TSC22D1: variants seen among roughly 807,000 people sequenced by gnomAD.
TSC22D1 encodes TSC22 domain family member 1.
In TSC22D1, 9 loss-of-function variants were observed where a neutral mutation model predicts 74.2. The ratio of observed to expected loss-of-function variants is 0.12; its 90% CI spans 0.07 to 0.21. The LOEUF is 0.21. Ranked by LOEUF, TSC22D1 falls within the 10% of genes least tolerant of loss-of-function variation. The pLI, the probability that TSC22D1 is intolerant of heterozygous loss-of-function variation, is 1.00. For missense variants in TSC22D1, 1,427 were observed against 1,304.7 expected (o/e 1.09, Z -1.44); for synonymous variants, 586 against 492.5 (o/e 1.19, Z -2.51).
intron 2 of TSC22D1, among the ~76,000 whole-genome samples, chr13:44,435,442 A>G (rs544355964): frequency 1.3e-5 from 2 of 152,346 alleles, no homozygotes; most frequent in South Asian, 2.1e-4. Flanking sequence ...TTGCCTAGCA[A>G]CAGTGGGCAG....
Position 44,521,322 on chromosome 13 carries a change from T to A in TSC22D1, c.2912+51841A>T, listed in dbSNP as rs112791850. 1.7e-3 allele frequency among the ~76,000 whole-genome samples: 260 copies of A among 152,292 alleles called. 2 individuals are homozygous for A. The highest frequency in any genetic ancestry group is 5.9e-3 in the African/African-American group (244 of 41,564). ...ACAGTGAAAGCTTTCAGTCATGCTATGGGATTTAATTGTGTATCCTCATTA... is the reference window on the plus strand; with the variant it reads ...ACAGTGAAAGCTTTCAGTCATGCTAAGGGATTTAATTGTGTATCCTCATTA... On this transcript the variant is annotated intron_variant, in intron 1 of 2. Coordinates refer to ENST00000458659, the MANE Select transcript of TSC22D1 (RefSeq NM_183422.4).
At chr13:44,495,434 A>G (rs1227820452) in intron 1 of TSC22D1, among the ~76,000 whole-genome samples, 5 of 152,342 alleles carry the variant, frequency 3.3e-5, no homozygotes, top group South Asian at 4.1e-4. Context: ...GGTGGAAATG[A>G]AAGGATGCTA....
At chr13:44,469,473 T>C (rs1002499665) in intron 1 of TSC22D1, among the ~76,000 whole-genome samples, 2 of 152,048 alleles carry the variant, frequency 1.3e-5, no homozygotes, top group African/African-American at 4.8e-5. Flanking sequence ...TGGCAGAATA[T>C]GTAGGAGGAT....
intron 1 of TSC22D1, among the ~76,000 whole-genome samples, chr13:44,535,000 T>C (rs960473819): frequency 4.3e-4 from 66 of 152,170 alleles, no homozygotes; most frequent in Non-Finnish European, 7.3e-5. Flanking sequence ...CCTTGGAATA[T>C]TGGAGGCTAC....
At chr13:44,438,750 G>A (rs1011801697) in intron 1 of TSC22D1, among the ~76,000 whole-genome samples, 7 of 152,024 alleles carry the variant, frequency 4.6e-5, no homozygotes, top group Admixed American at 1.3e-4. Context: ...CTTAGAAATC[G>A]TAATTATTTG....
intron 1 of TSC22D1, among the ~76,000 whole-genome samples, chr13:44,535,582 TCA>T (rs1405398167): frequency 2.6e-5 from 4 of 151,922 alleles, no homozygotes; most frequent in Admixed American, 1.3e-4. Context: ...GACTTTGCAG[TCA>T]CACTGCTTGT....
intron 1 of TSC22D1, among the ~76,000 whole-genome samples, chr13:44,552,793 C>G (rs560355387): frequency 6.6e-6 from 1 of 152,200 alleles, no homozygotes; most frequent in East Asian, 1.9e-4. Context: ...TCGAGACCAT[C>G]CTGGCTAACA....
intron 1 of TSC22D1, among the ~76,000 whole-genome samples, chr13:44,545,923 G>C (rs1319972321): frequency 6.6e-6 from 1 of 151,766 alleles, no homozygotes; most frequent in African/African-American, 2.4e-5. Context: ...GTTGCAGTGA[G>C]CCAAGATCGC....
intron 1 of TSC22D1, among the ~76,000 whole-genome samples, chr13:44,464,002 G>A (rs150907378): frequency 5.3e-5 from 8 of 152,164 alleles, no homozygotes; most frequent in Admixed American, 2.0e-4. Context: ...TGGATCTTCC[G>A]GCCCCAGTGT....
At chr13:44,455,814 T>C (rs1433762048) in intron 1 of TSC22D1, among the ~76,000 whole-genome samples, 1 of 152,090 alleles carries the variant, frequency 6.6e-6, no homozygotes, top group African/African-American at 2.4e-5. Context: ...CTCACACCAC[T>C]AAAGAGATGA....
At chr13:44,526,363 TA>T (rs997695745) in intron 1 of TSC22D1, among the ~76,000 whole-genome samples, 7 of 138,182 alleles carry the variant, frequency 5.1e-5, no homozygotes, top group East Asian at 2.1e-4. Context: ...ATGCCAGAAA[TA>T]AAAAAAAACA....
At chr13:44,481,106 A>C (rs1212217642) in intron 1 of TSC22D1, among the ~76,000 whole-genome samples, 1 of 152,250 alleles carries the variant, frequency 6.6e-6, no homozygotes, top group African/African-American at 2.4e-5. Context: ...AGACAGAAGG[A>C]GAACCAGAAG....
chr13:44,522,331 T>A (rs1464069925), intron 1 of TSC22D1, among the ~76,000 whole-genome samples: 1 of 152,188 alleles, frequency 6.6e-6, no homozygotes, highest in Non-Finnish European at 1.5e-5. Context: ...AATTTGGATT[T>A]TGTTGTTTGT....
intron 1 of TSC22D1, chr13:44,436,571 G>T (rs1013383405): frequency 6.2e-7 from 1 of 1,614,190 alleles, no homozygotes; most frequent in South Asian, 1.1e-5. Context: ...ATTGAAAAAT[G>T]TCTCAGTTGG....
At chr13:44,436,570 T>C (rs892182970) in intron 1 of TSC22D1, 1 of 1,614,148 alleles carries the variant, frequency 6.2e-7, no homozygotes, top group Non-Finnish European at 8.5e-7. Context: ...AATTGAAAAA[T>C]GTCTCAGTTG....
chr13:44,510,392 CA>C (rs536225730), intron 1 of TSC22D1, among the ~76,000 whole-genome samples: 4 of 140,898 alleles, frequency 2.8e-5, no homozygotes, highest in East Asian at 2.1e-4. Context: ...AACTCCGTCT[CA>C]AAAAAAAAAC....
intron 1 of TSC22D1, among the ~76,000 whole-genome samples, chr13:44,507,469 C>T (rs1566144545): frequency 6.9e-6 from 1 of 145,026 alleles, no homozygotes; most frequent in Non-Finnish European, 1.5e-5. Flanking sequence ...TCTTACTTTA[C>T]TTTTTTTTTT....
rs376389153 is a variant in TSC22D1, at chr13:44,475,111, G to A, written c.2913-39016C>T. Among the ~76,000 whole-genome samples, 200 of 152,038 alleles carry A rather than the reference G, an allele frequency of 1.3e-3. 2 individuals are homozygous for A. In the South Asian group the frequency reaches 0.015, roughly 12 times the overall value. ...AAACCAACCAAAAAAACAAGTGAAA[G>A]GAATAAAAGCAGAATGGTATTAATT... On this transcript the variant is annotated intron_variant, in intron 1 of 2. Coordinates refer to ENST00000458659, the MANE Select transcript of TSC22D1 (RefSeq NM_183422.4).
chr13:44,524,598 G>C (rs1222831249), intron 1 of TSC22D1, among the ~76,000 whole-genome samples: 5 of 152,152 alleles, frequency 3.3e-5, no homozygotes, highest in Admixed American at 3.3e-4. Context: ...CCAGGCTAGA[G>C]TGCAATGGCG....
Sources: gnomAD v4.1 joint callset for allele counts (sites outside exome capture counted in the v4.1 genomes callset) on GRCh38, gnomAD v4.1.1 for gene constraint, MANE v1.5 for transcripts, NCBI Gene and HGNC (gene_info 2026-07-23, HGNC 2026-07-21) for gene names.